The following FMN1 variants were observed in gnomAD, a reference collection of about 807,000 sequenced individuals.
The protein encoded by FMN1 is formin 1, also known as formin-1.
A neutral mutation model predicts 132.4 loss-of-function variants in FMN1; 110 were observed. The observed-to-expected ratio is 0.83, with a 90% CI of 0.71 to 0.97. The LOEUF (loss-of-function observed/expected upper bound fraction) is 0.97. Among genes scored for constraint, FMN1 ranks in the 50% least tolerant of loss-of-function variants. FMN1 has a pLI of 0.00. For missense variants in FMN1, 1,792 were observed against 1,705.3 expected (o/e 1.05, Z -0.90); for synonymous variants, 722 against 651.7 (o/e 1.11, Z -1.64).
chr15:33,086,781 A>G (rs1315988031), intron 5 of FMN1, among the ~76,000 whole-genome samples: 1 of 152,226 alleles, frequency 6.6e-6, no homozygotes, highest in Non-Finnish European at 1.5e-5. Flanking sequence ...TTCTCATGTC[A>G]TCTCCTGCAG....
At chr15:33,080,224 T>C (rs1474454117) in intron 5 of FMN1, among the ~76,000 whole-genome samples, 2 of 152,210 alleles carry the variant, frequency 1.3e-5, no homozygotes, top group Non-Finnish European at 2.9e-5. Context: ...GCCCTCTCCA[T>C]GTAAGCAAAG....
At chr15:32,785,152 G>A (rs78230074) in intron 19 of FMN1, among the ~76,000 whole-genome samples, 1,623 of 133,222 alleles carry the variant, frequency 0.012, 44 homozygotes, top group African/African-American at 0.043. Flanking sequence ...GTGTGTGTGT[G>A]TATACGTACG....
intron 6 of FMN1, chr15:33,012,828 T>A: frequency 1.6e-6 from 1 of 638,686 alleles, no homozygotes; most frequent in Non-Finnish European, 2.9e-6. Context: ...GAGGATATGG[T>A]AGCAGTGGGG....
At position 32,883,348 on chromosome 15, in the gene FMN1, A is replaced by G. The variant is rs150306708; in HGVS notation, c.3835+4824T>C. Among the ~76,000 whole-genome samples the G allele has an allele frequency of 7.0e-3, 1,069 of 152,000 alleles. 6 individuals are homozygous for G. Among genetic ancestry groups the G allele is most frequent in the Middle Eastern group, 0.034 (10 of 294 alleles). ...GTGAGACCCTGTCTGTACAAAAAAT[A>G]CAATTTACAAAATTAGCTGGGCGTG... On this transcript the variant is annotated intron_variant, in intron 16 of 20. Transcript: ENST00000616417.
At chr15:33,061,824 A>C (rs2037497455) in intron 6 of FMN1, among the ~76,000 whole-genome samples, 1 of 152,162 alleles carries the variant, frequency 6.6e-6, no homozygotes. Context: ...TTAGAAAAAA[A>C]AGTTGTCTTC....
intron 4 of FMN1, among the ~76,000 whole-genome samples, chr15:33,099,879 A>T (rs1221802491): frequency 6.6e-6 from 1 of 152,196 alleles, no homozygotes; most frequent in Non-Finnish European, 1.5e-5. Flanking sequence ...CAATTTCTCC[A>T]GCACATGTCT....
intron 4 of FMN1, among the ~76,000 whole-genome samples, chr15:33,136,402 G>A (rs1963767108): frequency 6.6e-6 from 1 of 152,160 alleles, no homozygotes; most frequent in Non-Finnish European, 1.5e-5. Flanking sequence ...AGACAAGAAA[G>A]ACGTATAACC....
rs184519405 is a variant in FMN1 at position 32,801,488 on chromosome 15, C to G, written c.3981-2535G>C. On this transcript the variant is annotated intron_variant, in intron 18 of 20. Transcript: ENST00000616417. Reference sequence around the variant, plus strand: ...GCTTCAAGAATGTGCCTTATTTGGCCGGGCACAGTGGCTCACGCCTGTAAT... The same window carrying G: ...GCTTCAAGAATGTGCCTTATTTGGCGGGGCACAGTGGCTCACGCCTGTAAT... Among the ~76,000 whole-genome samples, 59 of 152,128 alleles carry G rather than the reference C, an allele frequency of 3.9e-4. 1 individual carries two copies. The highest frequency in any genetic ancestry group is 1.3e-3 in the African/African-American group (55 of 41,478).
intron 19 of FMN1, among the ~76,000 whole-genome samples, chr15:32,798,307 G>A (rs143520889): frequency 8.5e-5 from 13 of 152,210 alleles, no homozygotes; most frequent in African/African-American, 3.1e-4. Context: ...GCAGTTTGAT[G>A]TCCGCAGCAG....
intron 7 of FMN1, among the ~76,000 whole-genome samples, chr15:33,007,064 C>T (rs1289469782): frequency 2.0e-5 from 3 of 151,734 alleles, no homozygotes; most frequent in Admixed American, 6.6e-5. Flanking sequence ...GTGTTCTCAC[C>T]GCATATAAAT....
chr15:33,081,085 G>A (rs1033313887), intron 5 of FMN1, among the ~76,000 whole-genome samples: 99 of 152,224 alleles, frequency 6.5e-4, no homozygotes, highest in African/African-American at 2.2e-3. Context: ...CCCCCTGCAC[G>A]GAGGGTACTC....
At chr15:33,144,851 T>A (rs1935245686) in intron 4 of FMN1, among the ~76,000 whole-genome samples, 2 of 152,038 alleles carry the variant, frequency 1.3e-5, no homozygotes, top group African/African-American at 4.8e-5. Flanking sequence ...CCAAAAGGAG[T>A]GGGATTTTAA....
intron 6 of FMN1, chr15:33,012,721 C>T (rs897839451): frequency 9.2e-6 from 7 of 758,798 alleles, no homozygotes; most frequent in African/African-American, 3.4e-5. Flanking sequence ...TGGAAACTTT[C>T]GTGGTGGCCA....
At position 32,770,167 on chromosome 15, in the gene FMN1, A is replaced by G. The variant is rs1298938229; in HGVS notation, c.*4143T>C. On this transcript the variant is annotated 3_prime_UTR_variant, in exon 21 of 21. Coordinates refer to ENST00000616417, the MANE Select transcript of FMN1 (RefSeq NM_001277313.2). Reference sequence around the variant, plus strand: ...GTACTACAAAATTGACCAATTTAGTATGTCAGGGAATGAAGAGGTTCCCCG... The same window carrying G: ...GTACTACAAAATTGACCAATTTAGTGTGTCAGGGAATGAAGAGGTTCCCCG... 6.6e-6 allele frequency: 1 copy of G among 152,152 alleles called. No individual in the cohort carries two copies. Among genetic ancestry groups the G allele is most frequent in the Admixed American group, 6.5e-5 (1 of 15,282 alleles). 9.4% of individuals were successfully genotyped at this position (152,152 alleles called of 1,614,324 possible).
intron 16 of FMN1, among the ~76,000 whole-genome samples, chr15:32,883,046 G>A (rs562354315): frequency 3.3e-5 from 5 of 152,302 alleles, no homozygotes; most frequent in African/African-American, 9.6e-5. Context: ...CAGAGGAACC[G>A]TTTCCCCTCC....
At chr15:33,082,754 G>A (rs1016628040) in intron 5 of FMN1, among the ~76,000 whole-genome samples, 3 of 152,040 alleles carry the variant, frequency 2.0e-5, no homozygotes, top group Non-Finnish European at 4.4e-5. Context: ...TGGGCGCTCC[G>A]GGGTGACTGA....
intron 17 of FMN1, among the ~76,000 whole-genome samples, chr15:32,848,977 GTTTTTTTTTTTTTT>G (rs71113479): frequency 1.1e-5 from 1 of 89,550 alleles, no homozygotes; most frequent in Non-Finnish European, 2.1e-5. Flanking sequence ...GTTCTCTTTT[GTTTTTTTTTTTTTT>G]TTTTTTTTCA....
chr15:33,152,014 A>G (rs71462850), intron 4 of FMN1, among the ~76,000 whole-genome samples: 15,286 of 152,252 alleles, frequency 0.1, 891 homozygotes, highest in Non-Finnish European at 0.13. Context: ...CCCTAGATAG[A>G]TATTTTTTAT....
rs1484473855 is a variant in FMN1 at position 32,771,222 on chromosome 15, G to A, written c.*3088C>T. Reference sequence around the variant, plus strand: ...GCCTCCCGAGTAGCTGGGACTACAGGCGCCCACCACCACGCCCGGCTAATT... The same window carrying A: ...GCCTCCCGAGTAGCTGGGACTACAGACGCCCACCACCACGCCCGGCTAATT... On this transcript the variant is annotated 3_prime_UTR_variant, in exon 21 of 21. Coordinates refer to ENST00000616417, the MANE Select transcript of FMN1 (RefSeq NM_001277313.2). The A allele has an allele frequency of 6.6e-6, 1 of 151,698 alleles. No homozygotes were observed. Among genetic ancestry groups the A allele is most frequent in the Non-Finnish European group, 1.5e-5 (1 of 67,976 alleles). The allele number at this position is 151,698 out of a possible 1,614,324, so 9.4% of individuals were successfully genotyped here. A position where few individuals can be genotyped will look rare whatever the true frequency, so the allele number is the denominator to read the frequency against.
Sources: allele counts gnomAD v4.1 joint callset (sites outside exome capture counted in the v4.1 genomes callset), GRCh38; gene constraint gnomAD v4.1.1; transcripts MANE v1.5; gene names NCBI Gene and HGNC (gene_info 2026-07-23, HGNC 2026-07-21).